The following TP53BP1 variants were observed in gnomAD, a reference collection of about 807,000 sequenced individuals.
TP53BP1 encodes the protein tumor protein p53 binding protein 1.
TP53BP1 carries 61 observed loss-of-function variants against 200.8 expected under a neutral mutation model. That is an observed-to-expected ratio of 0.30 (90% CI 0.25 to 0.38). TP53BP1 has a LOEUF of 0.38. Among genes scored for constraint, TP53BP1 ranks in the 10% least tolerant of loss-of-function variants. The pLI is 1.00. For missense variants in TP53BP1, 2,144 were observed against 2,371.9 expected, an observed-to-expected ratio of 0.90 and a Z score of 2.00; for synonymous variants, 822 against 844.3, an observed-to-expected ratio of 0.97 and a Z score of 0.46.
At chr15:43,421,505 A>G (rs1300960018) in intron 19 of TP53BP1, among the ~76,000 whole-genome samples, 1 of 152,196 alleles carries the variant, frequency 6.6e-6, no homozygotes, top group Non-Finnish European at 1.5e-5. Context: ...AAGCTAGGAG[A>G]TGCATTAAGT....
At chr15:43,477,469 C>T (rs911477356) in intron 8 of TP53BP1, 124 bp downstream of exon 8, 2 of 895,538 alleles carry the variant, frequency 2.2e-6, no homozygotes, top group Middle Eastern at 3.1e-4. Context: ...ACACGTTTTC[C>T]TTCCATATCA....
At chr15:43,472,069 A>T (rs2046739245) in intron 10 of TP53BP1, among the ~76,000 whole-genome samples, 1 of 152,242 alleles carries the variant, frequency 6.6e-6, no homozygotes, top group South Asian at 2.1e-4. Context: ...ACTCAAGAGC[A>T]GAGAAAGGAT....
chr15:43,418,889 A>T (rs986514553), intron 21 of TP53BP1, among the ~76,000 whole-genome samples: 1 of 152,330 alleles, frequency 6.6e-6, no homozygotes, highest in Non-Finnish European at 1.5e-5. Flanking sequence ...TTAAAAAAGA[A>T]GAGAGTATGG....
intron 16 of TP53BP1, among the ~76,000 whole-genome samples, chr15:43,435,267 C>CAAAAAAA (rs377275791): frequency 1.8e-4 from 10 of 55,628 alleles, no homozygotes; most frequent in Admixed American, 5.7e-4. Context: ...GACCCCATCT[C>CAAAAAAA]AAAAAAAAAA....
In TP53BP1 at chr15:43,504,975, G is replaced by A. The variant is rs372827909; in HGVS notation, c.-9+5395C>T. The stretch of plus-strand genomic sequence containing the variant: ...GCGGAGGTTGCAGTGAGCCGAGATC[G>A]TGCCACTGCACTCCAGTCTGGGTGA... On this transcript the variant is annotated intron_variant, in intron 1 of 27. Transcript: ENST00000263801. Among the ~76,000 whole-genome samples the A allele has an allele frequency of 6.6e-5, 10 of 152,254 alleles. No individual in the cohort carries two copies. The South Asian group carries it at 1.0e-3, about 16-fold the overall frequency.
intron 16 of TP53BP1, among the ~76,000 whole-genome samples, chr15:43,433,581 G>A (rs1165410372): frequency 6.6e-6 from 1 of 152,212 alleles, no homozygotes; most frequent in Non-Finnish European, 1.5e-5. Context: ...AAGACTGAAT[G>A]TTCTCTGAAT....
At position 43,479,931 on chromosome 15, in the gene TP53BP1, C is replaced by T. The variant is rs2078938613; in HGVS notation, c.586G>A (p.Asp196Asn). ...GTTACTGATTGTAGCTGCTCTTTGT[C>T]CACTTCATATGGCACAGTATTTTCC... The part of the protein sequence containing the change: ...VEENTVPYEV[D>N]KEQLQSVTTN... Residue 196 changes from aspartate (D) to asparagine (N), a missense_variant, in exon 6 of 28, where the codon GAC becomes AAC. By Grantham distance (23) the Asp-to-Asn change is conservative. Around this residue, in one of 4 missense-constraint regions of TP53BP1, gnomAD observed 1,700 missense variants for 1,710.3 expected, o/e 0.99. Transcript: ENST00000382044. The T allele has an allele frequency of 6.2e-7, 1 of 1,614,024 alleles. No homozygotes were observed. The highest frequency in any genetic ancestry group is 1.3e-5 in the African/African-American group (1 of 74,916).
intron 16 of TP53BP1, among the ~76,000 whole-genome samples, chr15:43,438,108 G>A (rs931277064): frequency 1.3e-5 from 2 of 152,198 alleles, no homozygotes; most frequent in Admixed American, 1.3e-4. Context: ...TATGGGCAGT[G>A]CCCCCACGAC....
At chr15:43,453,852 A>T (rs2046230287) in intron 12 of TP53BP1, among the ~76,000 whole-genome samples, 1 of 150,148 alleles carries the variant, frequency 6.7e-6, no homozygotes, top group Non-Finnish European at 1.5e-5. Flanking sequence ...GCCAATAGGG[A>T]CAATTTAAAA....
chr15:43,509,788 T>C (rs894432028), intron 1 of TP53BP1, among the ~76,000 whole-genome samples: 1 of 151,950 alleles, frequency 6.6e-6, no homozygotes, highest in Non-Finnish European at 1.5e-5. Context: ...GATACTGTGT[T>C]CCTTTCTTTC....
intron 12 of TP53BP1, among the ~76,000 whole-genome samples, chr15:43,453,837 A>G (rs1480936423): frequency 6.6e-6 from 1 of 150,624 alleles, no homozygotes; most frequent in Non-Finnish European, 1.5e-5. Context: ...GAGCCACCGC[A>G]CCCGGCCAAT....
At chr15:43,475,756 T>C in intron 8 of TP53BP1, 62 bp from the exon 9 acceptor site, 1 of 1,585,974 alleles carries the variant, frequency 6.3e-7, no homozygotes, top group Non-Finnish European at 8.6e-7. Flanking sequence ...CCAAAAACCA[T>C]TCAGTACTGC....
At chr15:43,489,843 T>C (rs1197484974) in intron 4 of TP53BP1, among the ~76,000 whole-genome samples, 1 of 152,206 alleles carries the variant, frequency 6.6e-6, no homozygotes, top group Non-Finnish European at 1.5e-5. Flanking sequence ...AAAGCATTTA[T>C]TTTACTTGAT....
intron 8 of TP53BP1, 73 bp downstream of exon 8, chr15:43,477,520 C>T (rs1268219073): frequency 7.2e-7 from 1 of 1,388,070 alleles, no homozygotes. Context: ...TGTAACTTAA[C>T]CAGTAGCCTC....
chr15:43,410,248 A>G (rs1037962606), intron 24 of TP53BP1, among the ~76,000 whole-genome samples: 1 of 152,212 alleles, frequency 6.6e-6, no homozygotes, highest in Non-Finnish European at 1.5e-5. Context: ...CCCTTGTACA[A>G]CTAAAACTTT....
chr15:43,481,102 TACCA>T, intron 4 of TP53BP1, 80 bp from the exon 5 acceptor site: 5 of 1,544,244 alleles, frequency 3.2e-6, no homozygotes, highest in Non-Finnish European at 4.4e-6. Flanking sequence ...CCCCAACACA[TACCA>T]ACCATCTCTT....
intron 4 of TP53BP1, among the ~76,000 whole-genome samples, chr15:43,488,909 T>C (rs139210469): frequency 9.5e-4 from 145 of 152,268 alleles, no homozygotes; most frequent in African/African-American, 3.4e-3. Context: ...AAAAAAGTGT[T>C]TTGAAGAGAT....
chr15:43,477,165 T>C (rs566920151), intron 8 of TP53BP1, among the ~76,000 whole-genome samples: 68 of 151,956 alleles, frequency 4.5e-4, no homozygotes, highest in African/African-American at 1.5e-3. Flanking sequence ...CCAAGCATGG[T>C]GGCGGGTGCC....
chr15:43,410,569 AAAG>A (rs1423570373), intron 24 of TP53BP1, among the ~76,000 whole-genome samples: 1 of 152,108 alleles, frequency 6.6e-6, no homozygotes. Context: ...AAAAAAAAGA[AAAG>A]AAAAGCAAGA....
Sources: allele counts gnomAD v4.1 joint callset (sites outside exome capture counted in the v4.1 genomes callset), GRCh38; gene constraint gnomAD v4.1.1; regional missense constraint gnomAD v4.1.1; transcripts MANE v1.5; gene names NCBI Gene and HGNC (gene_info 2026-07-23, HGNC 2026-07-21).